SPTLC3: variants seen among roughly 807,000 people sequenced by gnomAD.
SPTLC3 encodes serine palmitoyltransferase long chain base subunit 3.
In SPTLC3, 36 loss-of-function variants were observed where a neutral mutation model predicts 59.3. That is an observed-to-expected ratio of 0.61 (90% confidence interval 0.47 to 0.80). SPTLC3 has a LOEUF of 0.80. SPTLC3 is among the 30% of genes least tolerant of loss of function. The pLI, the probability that SPTLC3 is intolerant of heterozygous loss-of-function variation, is 0.00. For missense variants in SPTLC3, 625 were observed against 685.1 expected (o/e 0.91, Z 0.98); for synonymous variants, 257 against 240.8 (o/e 1.07, Z -0.62).
intron 6 of SPTLC3, among the ~76,000 whole-genome samples, chr20:13,102,514 G>GCTACCTC (rs1989639839): frequency 6.6e-6 from 1 of 152,130 alleles, no homozygotes; most frequent in Non-Finnish European, 1.5e-5. Flanking sequence ...AGCATGACAC[G>GCTACCTC]CTACCTCCTT....
rs114603735 is a variant in SPTLC3 at position 13,012,730 on chromosome 20, C to T, written c.117+3346C>T. Among the ~76,000 whole-genome samples the T allele has an allele frequency of 4.6e-3, 703 of 152,248 alleles. 9 individuals carry two copies. The highest frequency in any genetic ancestry group is 0.016 in the African/African-American group (677 of 41,532). On this transcript the variant is annotated intron_variant, in intron 1 of 11. Transcript: ENST00000399002. ...ATTATACAGATGGGGAAAGATAAATCACTAAGGAACTTCTGAAGAATCACA... is the reference window on the plus strand; with the variant it reads ...ATTATACAGATGGGGAAAGATAAATTACTAAGGAACTTCTGAAGAATCACA...
intron 4 of SPTLC3, among the ~76,000 whole-genome samples, chr20:13,075,433 A>G (rs922618422): frequency 6.6e-6 from 1 of 152,262 alleles, no homozygotes; most frequent in South Asian, 2.1e-4. Flanking sequence ...CAATTAGTAG[A>G]GAGTTTTAGA....
rs1171583616 is a variant in SPTLC3 at position 13,074,465 on chromosome 20, G to T, written c.575G>T (p.Gly192Val). The T allele has an allele frequency of 6.2e-7, 1 of 1,613,960 alleles. No homozygotes were observed. The highest frequency in any genetic ancestry group is 1.1e-5 in the South Asian group (1 of 91,058). ...ATAAAGGATGTTTTAGAGGTGTATG[G>T]CACAGGCGTGGCCAGCACCAGGCAT... ...RTIKDVLEVY[G>V]TGVASTRHEM... The change falls in exon 4 of 12, where the codon GGC becomes GTC. Residue 192 changes from glycine (G) to valine (V), a missense_variant. Gly to Val is a moderately radical substitution (Grantham distance 109). Transcript: ENST00000399002.
chr20:13,120,562 T>C (rs1244732010), intron 8 of SPTLC3, among the ~76,000 whole-genome samples: 1 of 152,212 alleles, frequency 6.6e-6, no homozygotes, highest in Admixed American at 6.5e-5. Context: ...ATAGAGGGGC[T>C]GCATTCCCAG....
chr20:13,141,932 C>G (rs1417811164), intron 9 of SPTLC3, among the ~76,000 whole-genome samples: 3 of 152,176 alleles, frequency 2.0e-5, no homozygotes, highest in Non-Finnish European at 4.4e-5. Flanking sequence ...GACATTGCCT[C>G]TCTGCCTTGC....
intron 6 of SPTLC3, among the ~76,000 whole-genome samples, chr20:13,101,875 AGC>A (rs972175631): frequency 6.6e-6 from 1 of 152,158 alleles, no homozygotes; most frequent in Non-Finnish European, 1.5e-5. Context: ...CACTCAGAGC[AGC>A]GAGACTGCAG....
intron 7 of SPTLC3, among the ~76,000 whole-genome samples, chr20:13,114,754 T>A (rs1990438483): frequency 6.6e-6 from 1 of 152,138 alleles, no homozygotes. Context: ...TGCTTTCTTG[T>A]TTTGAGTTAC....
At chr20:13,143,273 A>G (rs1293339102) in intron 9 of SPTLC3, among the ~76,000 whole-genome samples, 1 of 152,102 alleles carries the variant, frequency 6.6e-6, no homozygotes, top group Non-Finnish European at 1.5e-5. Flanking sequence ...CAAGTCAGTG[A>G]GTCCAGTCTT....
At chr20:13,074,192 G>A in intron 3 of SPTLC3, 157 bp from the exon 4 acceptor site, 1 of 978,010 alleles carries the variant, frequency 1.0e-6, no homozygotes, top group Non-Finnish European at 1.6e-6. Context: ...ACCACCTCCT[G>A]CCAGCTCTGT....
At chr20:13,026,719 C>T (rs965485889) in intron 1 of SPTLC3, among the ~76,000 whole-genome samples, 1 of 152,210 alleles carries the variant, frequency 6.6e-6, no homozygotes, top group African/African-American at 2.4e-5. Flanking sequence ...GCAGACCCTG[C>T]TGGTGCCATG....
intron 1 of SPTLC3, among the ~76,000 whole-genome samples, chr20:13,015,008 G>A (rs1985455015): frequency 1.3e-5 from 2 of 152,120 alleles, no homozygotes; most frequent in African/African-American, 4.8e-5. Flanking sequence ...ATGTGCAAGT[G>A]ATGGAGGTTT....
At chr20:13,069,311 T>C (rs1444386424) in intron 2 of SPTLC3, among the ~76,000 whole-genome samples, 1 of 152,126 alleles carries the variant, frequency 6.6e-6, no homozygotes, top group Non-Finnish European at 1.5e-5. Context: ...CTGGGCCTGA[T>C]TCTCCTCATG....
chr20:13,074,161 C>A, intron 3 of SPTLC3, 188 bp from the exon 4 acceptor site: 2 of 815,242 alleles, frequency 2.5e-6, no homozygotes, highest in East Asian at 2.6e-5. Context: ...CCGAGGGAAA[C>A]CAACCTCTAG....
At chr20:13,051,916 A>T (rs1987508774) in intron 2 of SPTLC3, among the ~76,000 whole-genome samples, 1 of 152,170 alleles carries the variant, frequency 6.6e-6, no homozygotes, top group Non-Finnish European at 1.5e-5. Context: ...AACTTATCAA[A>T]ACCTAAGGCA....
At chr20:13,019,550 G>A (rs1180416182) in intron 1 of SPTLC3, among the ~76,000 whole-genome samples, 1 of 152,110 alleles carries the variant, frequency 6.6e-6, no homozygotes, top group Non-Finnish European at 1.5e-5. Flanking sequence ...AATTACCCTA[G>A]ACTCTGCAGG....
intron 7 of SPTLC3, among the ~76,000 whole-genome samples, chr20:13,115,149 A>G (rs1990463557): frequency 6.6e-6 from 1 of 152,220 alleles, no homozygotes; most frequent in Non-Finnish European, 1.5e-5. Flanking sequence ...GTTTTTTGAC[A>G]GCAATTCATG....
intron 9 of SPTLC3, among the ~76,000 whole-genome samples, chr20:13,153,081 A>C (rs563109296): frequency 6.6e-6 from 1 of 152,342 alleles, no homozygotes; most frequent in South Asian, 2.1e-4. Context: ...ATCCTGCATC[A>C]AATGCAAACT....
intron 2 of SPTLC3, 41 bp downstream of exon 2, chr20:13,049,171 T>A (rs375216237): frequency 1.3e-6 from 2 of 1,599,426 alleles, no homozygotes; most frequent in East Asian, 2.2e-5. Flanking sequence ...CAATGCCTAC[T>A]CCTCTCTAAA....
intron 6 of SPTLC3, among the ~76,000 whole-genome samples, chr20:13,106,543 C>A (rs888892131): frequency 3.3e-5 from 5 of 152,072 alleles, no homozygotes; most frequent in African/African-American, 1.2e-4. Context: ...AATCAGGAGG[C>A]TGTGTGTTGG....
Sources: allele counts gnomAD v4.1 joint callset (sites outside exome capture counted in the v4.1 genomes callset), GRCh38; gene constraint gnomAD v4.1.1; transcripts MANE v1.5; gene names NCBI Gene and HGNC (gene_info 2026-07-23, HGNC 2026-07-21).